The following PRKAR1A variants were observed in gnomAD, a reference collection of about 807,000 sequenced individuals.
PRKAR1A encodes the protein protein kinase cAMP-dependent type I regulatory subunit alpha, also known as cAMP-dependent protein kinase type I-alpha regulatory subunit.
PRKAR1A carries 3 observed loss-of-function variants against 52.0 expected under a neutral mutation model. The observed-to-expected ratio is 0.06, with a 90% confidence interval of 0.03 to 0.15. The LOEUF (loss-of-function observed/expected upper bound fraction) is 0.15. Among genes scored for constraint, PRKAR1A ranks in the 10% least tolerant of loss-of-function variants. The pLI is 1.00. For synonymous variants in PRKAR1A, 188 were observed against 168.4 expected (o/e 1.12, Z -0.90); for missense variants, 240 against 477.4 (o/e 0.50, Z 4.63).
the PRKAR1A span, chr17:68,425,850 G>A: frequency 4.3e-6 from 2 of 463,784 alleles, no homozygotes; most frequent in South Asian, 3.4e-5. Flanking sequence ...ATTAGTATTC[G>A]GTGACTCTAA....
At chr17:68,455,585 C>T in the PRKAR1A span, among the ~76,000 whole-genome samples, 1 of 152,128 alleles carries the variant, frequency 6.6e-6, no homozygotes. Flanking sequence ...CCCTCTGTGG[C>T]TCAAAGCAAC....
At chr17:68,535,003 A>G, downstream of PRKAR1A, 1 of 315,512 alleles carries the variant, frequency 3.2e-6, no homozygotes, top group Non-Finnish European at 6.2e-6. Context: ...TCAAACTCAT[A>G]TTGTCTTCCT....
chr17:68,531,256 T>C lies in PRKAR1A; in HGVS notation c.*807T>C, dbSNP rs2085966998. 1.9e-6 allele frequency: 2 copies of C among 1,066,456 alleles called. No individual in the cohort carries two copies. Among genetic ancestry groups the C allele is most frequent in the East Asian group, 9.9e-5 (2 of 20,166 alleles). The allele number at this position is 1,066,456 out of a possible 1,614,324, so 66.1% of individuals were successfully genotyped here. A position where few individuals can be genotyped will look rare whatever the true frequency, so the allele number is the denominator to read the frequency against. Reference sequence around the variant, plus strand: ...CTTTATCCAGCTAGTGCCAAATAATTGATCAGATGCTGAATTGAGAATAAG... The same window carrying C: ...CTTTATCCAGCTAGTGCCAAATAATCGATCAGATGCTGAATTGAGAATAAG... On this transcript the variant is annotated 3_prime_UTR_variant, in exon 11 of 11. Coordinates refer to ENST00000589228, the MANE Select transcript of PRKAR1A (RefSeq NM_002734.5).
the PRKAR1A span, among the ~76,000 whole-genome samples, chr17:68,416,079 G>A: frequency 6.6e-6 from 1 of 151,980 alleles, no homozygotes; most frequent in Admixed American, 6.6e-5. Context: ...CATGTGCCTT[G>A]GTTTTTTTGT....
chr17:68,535,676 T>C (rs773669248), downstream of PRKAR1A: 1 of 447,164 alleles, frequency 2.2e-6, no homozygotes, highest in Non-Finnish European at 4.4e-6. Flanking sequence ...AAAATTTTTT[T>C]TTTTTTGTAT....
chr17:68,426,287 GTC>G, the PRKAR1A span: 2 of 824,998 alleles, frequency 2.4e-6, no homozygotes, highest in African/African-American at 3.3e-5. Flanking sequence ...CAAAGGGGCT[GTC>G]TGTCTTCCCC....
the PRKAR1A span, among the ~76,000 whole-genome samples, chr17:68,502,925 ACAAG>A: frequency 4.5e-4 from 69 of 152,322 alleles, 1 homozygote; most frequent in African/African-American, 1.6e-3. Flanking sequence ...ACTTGATCAT[ACAAG>A]TTAGTCTAAT....
chr17:68,454,271 T>C, the PRKAR1A span, among the ~76,000 whole-genome samples: 1 of 152,196 alleles, frequency 6.6e-6, no homozygotes, highest in Non-Finnish European at 1.5e-5. Flanking sequence ...CTCACAGAAG[T>C]GTGCTTCTCT....
chr17:68,521,531 A>G (rs2085610423), intron 2 of PRKAR1A, among the ~76,000 whole-genome samples: 1 of 152,252 alleles, frequency 6.6e-6, no homozygotes, highest in Non-Finnish European at 1.5e-5. Flanking sequence ...GTACCCAGTC[A>G]TGTATTCTTA....
intron 11 of PRKAR1A, chr17:68,540,579 C>T (rs997126270): frequency 3.6e-6 from 2 of 555,974 alleles, no homozygotes; most frequent in Admixed American, 4.4e-5. Flanking sequence ...AGTGAACATA[C>T]AGCTTCCAAT....
the PRKAR1A span, among the ~76,000 whole-genome samples, chr17:68,417,608 T>G: frequency 2.6e-5 from 4 of 152,102 alleles, no homozygotes; most frequent in Non-Finnish European, 4.4e-5. Context: ...CAGAGGTTTC[T>G]GCTTGTGGGT....
At chr17:68,509,356 C>T (rs898944578), upstream of PRKAR1A, among the ~76,000 whole-genome samples, 8 of 152,172 alleles carry the variant, frequency 5.3e-5, no homozygotes, top group South Asian at 4.2e-4. Flanking sequence ...GTAGAGACGG[C>T]GGTCTCACTG....
intron 2 of PRKAR1A, among the ~76,000 whole-genome samples, chr17:68,522,211 A>G (rs2085634261): frequency 6.6e-6 from 1 of 152,138 alleles, no homozygotes; most frequent in Non-Finnish European, 1.5e-5. Flanking sequence ...TTTGTTTTTA[A>G]TTTCCTGTTG....
At chr17:68,454,415 A>AT in the PRKAR1A span, among the ~76,000 whole-genome samples, 6 of 152,056 alleles carry the variant, frequency 3.9e-5, no homozygotes, top group East Asian at 3.8e-4. Context: ...TTTCCCTGGA[A>AT]TTTTTTTTCC....
rs535896166 is a variant in PRKAR1A, at chr17:68,530,704, A to G, written c.*255A>G. ...CTGCTTCTCTTTGTGCAGTGTTAGT[A>G]TTCACCCTGGGCAGTGAGTGCCATG... On this transcript the variant is annotated 3_prime_UTR_variant, in exon 11 of 11. Transcript: ENST00000589228. 14 of 1,387,002 alleles carry G rather than the reference A, an allele frequency of 1.0e-5. No homozygotes were observed. Among genetic ancestry groups the G allele is most frequent in the African/African-American group, 1.4e-5 (1 of 69,318 alleles). The allele number at this position is 1,387,002 out of a possible 1,614,324, so 85.9% of individuals were successfully genotyped here.
At chr17:68,521,520 T>C (rs902930880) in intron 2 of PRKAR1A, among the ~76,000 whole-genome samples, 4 of 152,380 alleles carry the variant, frequency 2.6e-5, no homozygotes, top group Admixed American at 6.5e-5. Flanking sequence ...CGTAAGCCAC[T>C]GTACCCAGTC....
the PRKAR1A span, chr17:68,426,247 A>AGGGGGGGGGGGGGG: frequency 3.0e-6 from 2 of 655,814 alleles, no homozygotes; most frequent in East Asian, 4.3e-5. Context: ...GCGGGTGGGG[A>AGGGGGGGGGGGGGG]GCGGGGGCTC....
chr17:68,427,009 G>A, the PRKAR1A span: 3 of 752,246 alleles, frequency 4.0e-6, no homozygotes, highest in East Asian at 2.5e-5. Context: ...ACAGTGAAGG[G>A]GGAAGGGGAG....
chr17:68,478,221 A>G, the PRKAR1A span, among the ~76,000 whole-genome samples: 2 of 151,924 alleles, frequency 1.3e-5, no homozygotes, highest in South Asian at 4.2e-4. Flanking sequence ...TGGGGGGCCG[A>G]GGGGGGTGGA....
Sources: allele counts gnomAD v4.1 joint callset (sites outside exome capture counted in the v4.1 genomes callset), GRCh38; gene constraint gnomAD v4.1.1; transcripts MANE v1.5; gene names NCBI Gene and HGNC (gene_info 2026-07-23, HGNC 2026-07-21).